Variants in EVI5 observed in about 807,000 individuals in gnomAD.
The protein encoded by EVI5 is ecotropic viral integration site 5 protein homolog.
A neutral mutation model predicts 112.0 loss-of-function variants in EVI5; 73 were observed. The ratio of observed to expected loss-of-function variants is 0.65; its 90% confidence interval spans 0.54 to 0.79. EVI5 has a LOEUF of 0.79. EVI5 is among the 30% of genes least tolerant of loss of function. The probability of loss-of-function intolerance (pLI) is 0.00; values close to 1 mark genes in which losing one functional copy is unlikely to be tolerated. For missense variants in EVI5, 900 were observed against 968.8 expected (o/e 0.93, Z 0.94); for synonymous variants, 305 against 319.9 (o/e 0.95, Z 0.50).
chr1:92,760,322 T>G (rs1681616594), intron 1 of EVI5, among the ~76,000 whole-genome samples: 4 of 152,184 alleles, frequency 2.6e-5, no homozygotes, highest in Admixed American at 2.6e-4. Flanking sequence ...AGAAGGGAGC[T>G]GACCTGGAGC....
intron 19 of EVI5, among the ~76,000 whole-genome samples, chr1:92,537,974 A>G (rs187915018): frequency 6.6e-6 from 1 of 152,242 alleles, no homozygotes; most frequent in African/African-American, 2.4e-5. Context: ...GAAGGAAAAA[A>G]CATGCACCCA....
intron 19 of EVI5, among the ~76,000 whole-genome samples, chr1:92,536,740 C>T (rs537943346): frequency 8.5e-5 from 13 of 152,060 alleles, no homozygotes; most frequent in South Asian, 8.3e-4. Context: ...AAATCTGTGC[C>T]GAGAAAATAT....
intron 18 of EVI5, among the ~76,000 whole-genome samples, chr1:92,595,093 C>T (rs940048598): frequency 6.6e-6 from 1 of 151,858 alleles, no homozygotes; most frequent in African/African-American, 2.4e-5. Flanking sequence ...ATAAATCATG[C>T]TGCTATAAAG....
At chr1:92,556,661 CA>C (rs750811401) in intron 19 of EVI5, among the ~76,000 whole-genome samples, 2 of 151,970 alleles carry the variant, frequency 1.3e-5, no homozygotes, top group Non-Finnish European at 2.9e-5. Context: ...AGTTTAGTAA[CA>C]AAATGAGTAC....
chr1:92,618,003 T>C (rs996310687), intron 16 of EVI5, among the ~76,000 whole-genome samples: 1 of 152,194 alleles, frequency 6.6e-6, no homozygotes. Context: ...CTTACCATGT[T>C]CCCCATCATC....
chr1:92,526,464 T>G lies in EVI5; in HGVS notation c.2167-12494A>C, dbSNP rs111519724. Among the ~76,000 whole-genome samples, 131 of 152,312 alleles carry G rather than the reference T, an allele frequency of 8.6e-4. 2 individuals carry two copies. Among genetic ancestry groups the G allele is most frequent in the African/African-American group, 3.0e-3 (126 of 41,578 alleles). On this transcript the variant is annotated intron_variant, in intron 19 of 19. Transcript: ENST00000684568. ...AAAATATGGAGGCAAGAGAGCATGG[T>G]AGGTCTGAAGAGCTGTTAAGCAGTT... is the stretch of plus-strand genomic sequence containing the variant.
chr1:92,675,330 G>A (rs1666547046), intron 10 of EVI5, among the ~76,000 whole-genome samples: 1 of 152,206 alleles, frequency 6.6e-6, no homozygotes, highest in Admixed American at 6.5e-5. Context: ...GAGTGACAGA[G>A]GGAGACCCTG....
At chr1:92,610,595 C>T (rs560647517) in intron 16 of EVI5, among the ~76,000 whole-genome samples, 32 of 152,026 alleles carry the variant, frequency 2.1e-4, no homozygotes, top group African/African-American at 7.2e-4. Flanking sequence ...GAACAAGTCA[C>T]TATCAAAAAA....
intron 2 of EVI5, among the ~76,000 whole-genome samples, chr1:92,707,738 A>G (rs1273653486): frequency 2.0e-5 from 3 of 152,194 alleles, no homozygotes; most frequent in Non-Finnish European, 4.4e-5. Context: ...TTCCTCATAC[A>G]GTTGAAATAC....
intron 16 of EVI5, among the ~76,000 whole-genome samples, chr1:92,612,847 G>A (rs920864153): frequency 1.1e-4 from 17 of 152,004 alleles, no homozygotes; most frequent in African/African-American, 4.1e-4. Context: ...GAATGATACA[G>A]CTAGAATAAA....
At position 92,566,195 on chromosome 1, in the gene EVI5, G is replaced by A. The variant is rs573647935; in HGVS notation, c.2071-2458C>T. On this transcript the variant is annotated intron_variant, in intron 18 of 19. Transcript: ENST00000684568. ...AATCTGTCTTAAAAACCTTTTACTA[G>A]AATATGGCCTGCTGAAGTGGTTTAG... Among the ~76,000 whole-genome samples, 4 of 152,074 alleles carry A rather than the reference G, an allele frequency of 2.6e-5. No homozygotes were observed. In the East Asian group the frequency reaches 7.7e-4, roughly 29 times the overall value.
intron 18 of EVI5, among the ~76,000 whole-genome samples, chr1:92,582,874 T>C (rs1242755569): frequency 6.6e-6 from 1 of 152,200 alleles, no homozygotes; most frequent in Non-Finnish European, 1.5e-5. Flanking sequence ...CTCTACTCTT[T>C]TGCACCAAGC....
intron 1 of EVI5, chr1:92,756,459 T>C (rs983128562): frequency 9.3e-6 from 5 of 539,822 alleles, no homozygotes; most frequent in African/African-American, 5.8e-5. Context: ...ATACTTCGTC[T>C]TTCTCCAACA....
intron 13 of EVI5, among the ~76,000 whole-genome samples, chr1:92,648,272 C>G (rs1306681463): frequency 6.8e-6 from 1 of 147,884 alleles, no homozygotes; most frequent in Admixed American, 6.7e-5. Context: ...ACTCGGGAGG[C>G]TGAGGGAGGA....
chr1:92,740,903 T>C (rs1188327501), intron 1 of EVI5, among the ~76,000 whole-genome samples: 1 of 152,134 alleles, frequency 6.6e-6, no homozygotes, highest in Non-Finnish European at 1.5e-5. Context: ...TTCCACATGG[T>C]ATGGTTTTTA....
intron 16 of EVI5, among the ~76,000 whole-genome samples, chr1:92,612,764 C>G (rs921005832): frequency 2.0e-5 from 3 of 150,210 alleles, no homozygotes; most frequent in Admixed American, 2.0e-4. Context: ...AAGTTCAAAC[C>G]CGGAGCCTTC....
chr1:92,546,170 A>T (rs1486320068), intron 19 of EVI5, among the ~76,000 whole-genome samples: 6 of 152,196 alleles, frequency 3.9e-5, no homozygotes, highest in Non-Finnish European at 5.9e-5. Context: ...AAACTGAGGC[A>T]TGGCCTAAGG....
intron 9 of EVI5, among the ~76,000 whole-genome samples, chr1:92,679,955 G>A (rs900259020): frequency 6.6e-6 from 1 of 152,130 alleles, no homozygotes; most frequent in African/African-American, 2.4e-5. Flanking sequence ...CTGGCTGAAG[G>A]AGTACACACC....
At chr1:92,629,457 G>C (rs1299264872) in intron 14 of EVI5, among the ~76,000 whole-genome samples, 1 of 152,138 alleles carries the variant, frequency 6.6e-6, no homozygotes, top group Non-Finnish European at 1.5e-5. Flanking sequence ...TTGTAATCTA[G>C]AACTTTTAAA....
Sources: allele counts gnomAD v4.1 joint callset (sites outside exome capture counted in the v4.1 genomes callset), GRCh38; gene constraint gnomAD v4.1.1; transcripts MANE v1.5; gene names NCBI Gene and HGNC (gene_info 2026-07-23, HGNC 2026-07-21).